Variants in TRIM22 observed in about 807,000 individuals in gnomAD.
TRIM22 encodes the protein E3 ubiquitin-protein ligase TRIM22.
A neutral mutation model predicts 53.6 loss-of-function variants in TRIM22; 45 were observed. That is an observed-to-expected ratio of 0.84 (90% CI 0.66 to 1.08). TRIM22 has a LOEUF of 1.08. Among genes scored for constraint, TRIM22 ranks in the 50% least tolerant of loss-of-function variants. The probability of loss-of-function intolerance (pLI) is 0.00; values close to 1 mark genes in which losing one functional copy is unlikely to be tolerated. For missense variants in TRIM22, 616 were observed against 590.9 expected (o/e 1.04, Z -0.44); for synonymous variants, 225 against 216.6 (o/e 1.04, Z -0.34).
At chr11:5,707,499 G>A (rs1190804871) in intron 5 of TRIM22, among the ~76,000 whole-genome samples, 1 of 152,110 alleles carries the variant, frequency 6.6e-6, no homozygotes, top group Non-Finnish European at 1.5e-5. Flanking sequence ...GTTTTTTAGA[G>A]GCACTGAATA....
intron 4 of TRIM22, among the ~76,000 whole-genome samples, chr11:5,701,089 T>C (rs1029400102): frequency 6.6e-6 from 1 of 152,218 alleles, no homozygotes; most frequent in Non-Finnish European, 1.5e-5. Flanking sequence ...ATATATTTTG[T>C]TGGATTTGTT....
intron 4 of TRIM22, among the ~76,000 whole-genome samples, chr11:5,705,581 G>T (rs7946891): frequency 0.14 from 21,271 of 152,098 alleles, 1,834 homozygotes; most frequent in African/African-American, 0.23. Context: ...TCAAGTCTTT[G>T]TTGGTATAAA....
chr11:5,695,235 A>G (rs1403974030), intron 1 of TRIM22, among the ~76,000 whole-genome samples: 3 of 152,220 alleles, frequency 2.0e-5, no homozygotes, highest in Non-Finnish European at 4.4e-5. Flanking sequence ...AGTAAATTAT[A>G]GTATGTCCTT....
chr11:5,693,189 CTTTTTT>C (rs55820335), intron 1 of TRIM22, among the ~76,000 whole-genome samples: 6 of 125,620 alleles, frequency 4.8e-5, no homozygotes, highest in African/African-American at 8.8e-5. Context: ...GCCTGGCCAT[CTTTTTT>C]TTTTTTTTTT....
At chr11:5,709,022 C>T (rs2134185043) in intron 7 of TRIM22, 31 bp from the exon 8 acceptor site, 1 of 1,539,428 alleles carries the variant, frequency 6.5e-7, no homozygotes, top group South Asian at 1.1e-5. Flanking sequence ...TATCCCATAT[C>T]CTTCACTTGA....
intron 3 of TRIM22, 62 bp from the exon 4 acceptor site, chr11:5,698,253 C>A (rs1456129290): frequency 8.1e-6 from 11 of 1,351,020 alleles, no homozygotes; most frequent in Non-Finnish European, 1.2e-5. Context: ...GTCTCCCAGG[C>A]TCATACAAAG....
chr11:5,698,577 G>T, intron 4 of TRIM22, 32 bp downstream of exon 4: 1 of 1,553,968 alleles, frequency 6.4e-7, no homozygotes, highest in South Asian at 1.1e-5. Flanking sequence ...CTACGTAAGA[G>T]ATTAGGGGAA....
At chr11:5,702,041 G>T (rs543428630) in intron 4 of TRIM22, among the ~76,000 whole-genome samples, 5 of 144,104 alleles carry the variant, frequency 3.5e-5, no homozygotes, top group African/African-American at 5.1e-5. Flanking sequence ...TCCTCTCTTA[G>T]CTTATTAGTT....
rs762122861 is a variant in TRIM22, at chr11:5,696,308, C to G, written c.76C>G (p.Leu26Val). 1.2e-6 allele frequency: 2 copies of G among 1,614,206 alleles called. No homozygotes were observed. Among genetic ancestry groups the G allele is most frequent in the Non-Finnish European group, 1.7e-6 (2 of 1,180,028 alleles). ...PICLELLTEPLSLDCGHSFCQ... is the reference protein window; with the variant it reads ...PICLELLTEPVSLDCGHSFCQ... ...CTGCCTGGAGCTCCTGACAGAACCT[C>G]TGAGCCTAGATTGTGGCCACAGCTT... is the stretch of plus-strand genomic sequence containing the variant. Residue 26 changes from leucine to valine, a missense_variant, in exon 2 of 8, where the codon CTG (leucine) becomes GTG (valine). Physicochemically the swap from Leu to Val is conservative, Grantham distance 32 (BLOSUM62 1). Transcript: ENST00000379965.
intron 4 of TRIM22, 124 bp downstream of exon 4, chr11:5,698,669 G>A (rs79135839): frequency 0.048 from 36,476 of 763,422 alleles, 1,019 homozygotes; most frequent in Middle Eastern, 0.07. Context: ...CCTTTGGCCC[G>A]GCATGCCCCT....
At position 5,698,472 on chromosome 11, in the gene TRIM22, A is replaced by G. The variant is rs1375061193; in HGVS notation, c.677A>G (p.Gln226Arg). 6.2e-7 allele frequency: 1 copy of G among 1,614,124 alleles called. No individual in the cohort carries two copies. Among genetic ancestry groups the G allele is most frequent in the South Asian group, 1.1e-5 (1 of 91,084 alleles). Residue 226 changes from glutamine to arginine, a missense_variant, in exon 4 of 8, where the codon CAG (glutamine) becomes CGG (arginine). Transcript: ENST00000379965. ...LAAATDQLVQ[Q>R]RQDASTLISD... is the part of the protein sequence containing the mutation. The stretch of plus-strand genomic sequence containing the variant: ...GCAGCTACAGACCAGCTGGTCCAGC[A>G]GAGGCAGGATGCCAGCACGCTCATC...
At chr11:5,697,614 C>T in intron 3 of TRIM22, 1 of 366,398 alleles carries the variant, frequency 2.7e-6, no homozygotes, top group Non-Finnish European at 4.9e-6. Context: ...TTTGTGTCAT[C>T]AGGTTTGAGG....
At chr11:5,703,881 CAT>C (rs1208887279) in intron 4 of TRIM22, among the ~76,000 whole-genome samples, 2 of 152,024 alleles carry the variant, frequency 1.3e-5, no homozygotes, top group Non-Finnish European at 2.9e-5. Flanking sequence ...GGCCAACAAA[CAT>C]ATGAAAAAAT....
chr11:5,696,817 C>A, intron 2 of TRIM22, 162 bp downstream of exon 2: 1 of 700,496 alleles, frequency 1.4e-6, no homozygotes, highest in Non-Finnish European at 2.3e-6. Flanking sequence ...GCCTGAAGGA[C>A]ACTGCTGCAC....
chr11:5,696,449 C>A lies in TRIM22; in HGVS notation c.217C>A (p.His73Asn). Residue 73 changes from histidine to asparagine, a missense_variant, in exon 2 of 8, where the codon CAT becomes AAT. His to Asn is a moderately conservative substitution (Grantham distance 68). Transcript: ENST00000379965. Reference sequence around the variant, plus strand: ...GCCTGGGAACCTCCGACCTAATCGGCATCTGGCCAACATAGTTGAGAGAGT... The same window carrying A: ...GCCTGGGAACCTCCGACCTAATCGGAATCTGGCCAACATAGTTGAGAGAGT... The part of the protein sequence containing the change: ...FQPGNLRPNR[H>N]LANIVERVKE... 6.2e-7 allele frequency: 1 copy of A among 1,614,248 alleles called. No individual in the cohort carries two copies. Among genetic ancestry groups the A allele is most frequent in the Non-Finnish European group, 8.5e-7 (1 of 1,180,050 alleles).
intron 4 of TRIM22, among the ~76,000 whole-genome samples, chr11:5,700,359 C>T (rs1456696396): frequency 6.6e-6 from 1 of 152,072 alleles, no homozygotes; most frequent in African/African-American, 2.4e-5. Context: ...AGGCAATCTG[C>T]CCGCCTTGGC....
At chr11:5,708,713 GTTCT>G (rs201246561) in intron 7 of TRIM22, 110 bp downstream of exon 7, 12,413 of 685,326 alleles carry the variant, frequency 0.018, 212 homozygotes, top group Admixed American at 0.13. Context: ...AAACCATGTA[GTTCT>G]TTTTTTTTTT....
At chr11:5,704,069 A>G (rs925074005) in intron 4 of TRIM22, among the ~76,000 whole-genome samples, 4 of 152,232 alleles carry the variant, frequency 2.6e-5, no homozygotes, top group African/African-American at 9.6e-5. Flanking sequence ...CAGCCATTGT[A>G]GAAAGCAGTC....
chr11:5,709,429 T>C lies in TRIM22; in HGVS notation c.1278T>C (p.Ser426=), dbSNP rs1853520949. ...ATAATGCTTTTGAGGACTCCTCCTC[T>C]TCTGATCCCAAGGTTTTGACTCTCT... The part of the protein sequence containing the change: ...CEYNAFEDSS[S]SDPKVLTLFM... The change falls in exon 8 of 8, where the codon TCT becomes TCC. Residue 426 remains serine, a synonymous_variant. Coordinates refer to ENST00000379965, the MANE Select transcript of TRIM22 (RefSeq NM_006074.5). The C allele has an allele frequency of 6.2e-7, 1 of 1,614,116 alleles. No individual in the cohort carries two copies. The highest frequency in any genetic ancestry group is 8.5e-7 in the Non-Finnish European group (1 of 1,180,040).
Sources: allele counts gnomAD v4.1 joint callset (sites outside exome capture counted in the v4.1 genomes callset), GRCh38; gene constraint gnomAD v4.1.1; transcripts MANE v1.5; gene names NCBI Gene and HGNC (gene_info 2026-07-23, HGNC 2026-07-21).